Variants in GMDS observed in about 807,000 individuals in gnomAD.
The protein encoded by GMDS is GDP-mannose 4,6 dehydratase.
Under a neutral mutation model 49.9 loss-of-function variants are expected in GMDS, and 20 were observed. The observed-to-expected ratio is 0.40, with a 90% CI of 0.28 to 0.58. The LOEUF (loss-of-function observed/expected upper bound fraction) is 0.58. Ranked by LOEUF, GMDS falls within the 20% of genes least tolerant of loss-of-function variation. The pLI is 0.42. For missense variants in GMDS, 362 were observed against 481.4 expected (o/e 0.75, Z 2.32); for synonymous variants, 177 against 178.6 (o/e 0.99, Z 0.07).
chr6:1,714,165 C>T (rs527270548), intron 9 of GMDS, among the ~76,000 whole-genome samples: 1 of 152,182 alleles, frequency 6.6e-6, no homozygotes, highest in Non-Finnish European at 1.5e-5. Context: ...CTACAGGCGC[C>T]CACCACCACG....
At chr6:1,759,841 TGA>T (rs568376875) in intron 7 of GMDS, among the ~76,000 whole-genome samples, 190 of 152,024 alleles carry the variant, frequency 1.2e-3, no homozygotes, top group African/African-American at 4.2e-3. Context: ...GATGAAGGAG[TGA>T]GTCAAGCCAG....
rs1768920902 is a variant in GMDS at position 1,778,228 on chromosome 6, A to G, written c.772-35642T>C. 6.6e-6 allele frequency among the ~76,000 whole-genome samples: 1 copy of G among 152,180 alleles called. No homozygotes were observed. The highest frequency in any genetic ancestry group is 1.5e-5 in the Non-Finnish European group (1 of 68,022). ...TTTTGCTGGGATGACTATTTATATG[A>G]CAGGTAAGGGAATAACTTTGCTGGA... On this transcript the variant is annotated intron_variant, in intron 7 of 10. Transcript: ENST00000380815. This position sits in a 1 kb window ranked among gnomAD's most constrained non-coding sequence, Gnocchi z 4.6.
At chr6:1,997,036 A>G (rs1254403827) in intron 4 of GMDS, among the ~76,000 whole-genome samples, 1 of 151,744 alleles carries the variant, frequency 6.6e-6, no homozygotes, top group African/African-American at 2.4e-5. Flanking sequence ...CGGCCATGGT[A>G]TTTCCTAGTG....
At chr6:2,057,847 A>G (rs369614257) in intron 4 of GMDS, among the ~76,000 whole-genome samples, 412 of 152,334 alleles carry the variant, frequency 2.7e-3, no homozygotes, top group African/African-American at 9.6e-3. Context: ...GCTAATGAGT[A>G]CTTAACATGT....
intron 4 of GMDS, among the ~76,000 whole-genome samples, chr6:2,022,175 C>G (rs948961992): frequency 4.6e-5 from 7 of 152,030 alleles, no homozygotes; most frequent in African/African-American, 1.7e-4. Flanking sequence ...GGACAGGGAA[C>G]AGGGTCTAAA....
intron 4 of GMDS, among the ~76,000 whole-genome samples, chr6:2,098,993 CTATT>C (rs796154054): frequency 2.1e-4 from 32 of 152,160 alleles, no homozygotes; most frequent in African/African-American, 7.7e-4. Context: ...AAACTTTTAA[CTATT>C]TTTTTTCTGC....
intron 7 of GMDS, among the ~76,000 whole-genome samples, chr6:1,794,437 C>A (rs1769660164): frequency 6.6e-6 from 1 of 152,068 alleles, no homozygotes; most frequent in Non-Finnish European, 1.5e-5. Flanking sequence ...GAAACTACGG[C>A]ATTATATAGA....
chr6:1,718,716 A>G (rs971013220), intron 9 of GMDS, among the ~76,000 whole-genome samples: 1 of 151,638 alleles, frequency 6.6e-6, no homozygotes, highest in Non-Finnish European at 1.5e-5. Flanking sequence ...TGTTCAATAA[A>G]CATTCTTTTC....
intron 8 of GMDS, among the ~76,000 whole-genome samples, chr6:1,742,078 C>T (rs1467758513): frequency 4.0e-5 from 6 of 151,486 alleles, no homozygotes; most frequent in South Asian, 2.1e-4. Flanking sequence ...CGCACCACCA[C>T]GCCCAGCTAA....
intron 4 of GMDS, among the ~76,000 whole-genome samples, chr6:1,966,640 C>T (rs1006606533): frequency 5.9e-5 from 9 of 152,154 alleles, no homozygotes; most frequent in African/African-American, 2.2e-4. Flanking sequence ...AATTCACCAT[C>T]TGTCCAAATG....
intron 9 of GMDS, among the ~76,000 whole-genome samples, chr6:1,723,383 G>C (rs1463449203): frequency 7.2e-6 from 1 of 138,224 alleles, no homozygotes; most frequent in African/African-American, 2.8e-5. Flanking sequence ...CTGGAGTGCA[G>C]TGGCACGACC....
At chr6:2,081,538 C>A (rs1772697093) in intron 4 of GMDS, among the ~76,000 whole-genome samples, 1 of 152,128 alleles carries the variant, frequency 6.6e-6, no homozygotes, top group Non-Finnish European at 1.5e-5. Flanking sequence ...ACTTACATTA[C>A]CCAGTTCTGC....
intron 4 of GMDS, among the ~76,000 whole-genome samples, chr6:1,978,964 T>C (rs1476909231): frequency 6.6e-6 from 1 of 152,090 alleles, no homozygotes; most frequent in South Asian, 2.1e-4. Context: ...CTGAGGCAAC[T>C]AGGGTCTGGA....
chr6:1,772,074 G>T (rs1383249567), intron 7 of GMDS, among the ~76,000 whole-genome samples: 2 of 152,174 alleles, frequency 1.3e-5, no homozygotes. Context: ...CTAGAAGAAT[G>T]ATATTTATGA....
intron 7 of GMDS, among the ~76,000 whole-genome samples, chr6:1,841,219 C>T (rs1194768992): frequency 6.6e-6 from 1 of 152,154 alleles, no homozygotes; most frequent in East Asian, 1.9e-4. Context: ...TGCTAAAAAT[C>T]AAATGAACTC....
intron 4 of GMDS, among the ~76,000 whole-genome samples, chr6:2,074,411 C>G (rs58242693): frequency 0.011 from 1,693 of 152,198 alleles, 36 homozygotes; most frequent in African/African-American, 0.039. Flanking sequence ...GGATATCAGT[C>G]CATTGTTGGA....
At chr6:1,711,313 G>A (rs1045449993) in intron 9 of GMDS, among the ~76,000 whole-genome samples, 21 of 152,224 alleles carry the variant, frequency 1.4e-4, no homozygotes, top group Non-Finnish European at 2.2e-4. Context: ...CCGCTCAAGT[G>A]GTTTGAGGAT....
chr6:1,802,449 C>A (rs2113661258), intron 7 of GMDS, among the ~76,000 whole-genome samples: 1 of 152,178 alleles, frequency 6.6e-6, no homozygotes, highest in East Asian at 1.9e-4. Context: ...TGCTTTAGGT[C>A]TAAAAGATTT....
intron 7 of GMDS, among the ~76,000 whole-genome samples, chr6:1,776,590 GATC>G (rs1768844163): frequency 6.6e-6 from 1 of 152,064 alleles, no homozygotes. Flanking sequence ...TACTCAGGAG[GATC>G]ACTCTGAGCC....
Sources: gnomAD v4.1 joint callset for allele counts (sites outside exome capture counted in the v4.1 genomes callset) on GRCh38, gnomAD v4.1.1 for gene constraint, Gnocchi (gnomAD v3.1) non-coding constraint, MANE v1.5 for transcripts, NCBI Gene and HGNC (gene_info 2026-07-23, HGNC 2026-07-21) for gene names.